The following CDC42BPA variants were observed in gnomAD, a reference collection of about 807,000 sequenced individuals.
CDC42BPA encodes the protein CDC42 binding protein kinase alpha.
A neutral mutation model predicts 223.5 loss-of-function variants in CDC42BPA; 80 were observed. The ratio of observed to expected loss-of-function variants is 0.36; its 90% CI spans 0.30 to 0.43. The LOEUF (loss-of-function observed/expected upper bound fraction) is 0.43, where lower values mean the gene tolerates loss of function less well. Ranked by LOEUF, CDC42BPA falls within the 20% of genes least tolerant of loss-of-function variation. CDC42BPA has a pLI of 1.00. For synonymous variants in CDC42BPA, 694 were observed against 718.6 expected (o/e 0.97, Z 0.55); for missense variants, 1,743 against 2,099.9 (o/e 0.83, Z 3.32).
intron 10 of CDC42BPA, among the ~76,000 whole-genome samples, chr1:227,135,941 G>T (rs1658482571): frequency 6.8e-6 from 1 of 147,114 alleles, no homozygotes; most frequent in Admixed American, 6.9e-5. Context: ...TTGATGGAAT[G>T]AAAAGGGAGA....
At chr1:227,297,220 A>C in intron 1 of CDC42BPA, among the ~76,000 whole-genome samples, 1 of 152,240 alleles carries the variant, frequency 6.6e-6, no homozygotes, top group Non-Finnish European at 1.5e-5. Context: ...GAAGTAGATC[A>C]AAGCCACAAT....
chr1:227,244,596 G>C (rs1360393093), intron 2 of CDC42BPA, among the ~76,000 whole-genome samples: 1 of 152,114 alleles, frequency 6.6e-6, no homozygotes, highest in Non-Finnish European at 1.5e-5. Context: ...ATCTGGCTAT[G>C]GCCAGGGGTG....
intron 1 of CDC42BPA, among the ~76,000 whole-genome samples, chr1:227,284,491 C>T (rs984143878): frequency 3.9e-5 from 6 of 152,140 alleles, no homozygotes; most frequent in Non-Finnish European, 7.4e-5. Flanking sequence ...TTCTACCCAC[C>T]ACCATCCCCA....
chr1:227,100,777 T>TGTGTGTGTGTGTGTGTGTGTGTGTGTGC (rs777124731), intron 15 of CDC42BPA, among the ~76,000 whole-genome samples: 2 of 128,510 alleles, frequency 1.6e-5, no homozygotes, highest in African/African-American at 5.7e-5. Context: ...TGTGTGTGTG[T>TGTGTGTGTGTGTGTGTGTGTGTGTGTGC]GCGTGTGCCA....
intron 23 of CDC42BPA, among the ~76,000 whole-genome samples, chr1:227,043,017 T>G (rs1572439561): frequency 2.0e-5 from 3 of 152,236 alleles, no homozygotes; most frequent in Middle Eastern, 3.4e-3. Flanking sequence ...GCTTAAAAAT[T>G]TACTGTAGAT....
intron 1 of CDC42BPA, 81 bp downstream of exon 1, chr1:227,316,924 G>A: frequency 9.7e-7 from 1 of 1,035,482 alleles, no homozygotes; most frequent in South Asian, 1.5e-5. Context: ...ACGGAGTAGA[G>A]TTTACTCATA....
At position 227,060,073 on chromosome 1, in the gene CDC42BPA, C is replaced by T. The variant is rs1307406534; in HGVS notation, c.2905-8088G>A. Among the ~76,000 whole-genome samples the T allele has an allele frequency of 2.1e-5, 3 of 143,418 alleles. No individual in the cohort carries two copies. In the East Asian group the frequency reaches 6.3e-4, roughly 30 times the overall value. 94.1% of individuals were successfully genotyped at this position (143,418 alleles called of 152,430 possible). A position where few individuals can be genotyped will look rare whatever the true frequency, so the allele number is the denominator to read the frequency against. ...TGAGACGGGAGTCTCGCTCTGTCGCCCAGGCTGGAGTGCAGTGGCGCAATC... is the reference window on the plus strand; with the variant it reads ...TGAGACGGGAGTCTCGCTCTGTCGCTCAGGCTGGAGTGCAGTGGCGCAATC... On this transcript the variant is annotated intron_variant, in intron 21 of 36. Coordinates refer to ENST00000366766, the MANE Select transcript of CDC42BPA (RefSeq NM_001394014.1).
intron 1 of CDC42BPA, among the ~76,000 whole-genome samples, chr1:227,267,503 G>A (rs1279707253): frequency 6.6e-6 from 1 of 152,198 alleles, no homozygotes; most frequent in Admixed American, 6.5e-5. Context: ...CAGATAAAAG[G>A]TGATAGATGC....
chr1:227,048,268 T>C (rs1209136765), intron 22 of CDC42BPA, among the ~76,000 whole-genome samples: 3 of 151,982 alleles, frequency 2.0e-5, no homozygotes, highest in Non-Finnish European at 4.4e-5. Flanking sequence ...AATAAATCAT[T>C]TGGATCAAAT....
At chr1:227,314,546 G>A (rs908115690) in intron 1 of CDC42BPA, among the ~76,000 whole-genome samples, 2 of 151,838 alleles carry the variant, frequency 1.3e-5, no homozygotes, top group Non-Finnish European at 2.9e-5. Flanking sequence ...AAAATAAAAT[G>A]GACTAAAACT....
intron 14 of CDC42BPA, among the ~76,000 whole-genome samples, chr1:227,107,245 T>C (rs1024704965): frequency 2.6e-5 from 4 of 152,218 alleles, no homozygotes; most frequent in African/African-American, 9.6e-5. Flanking sequence ...TTTTGTCATT[T>C]TTAGTTGGAT....
intron 1 of CDC42BPA, among the ~76,000 whole-genome samples, chr1:227,301,803 A>G (rs1232019963): frequency 1.3e-5 from 2 of 152,222 alleles, no homozygotes. Flanking sequence ...CCACCAAAAA[A>G]AAAATTCCCT....
intron 5 of CDC42BPA, among the ~76,000 whole-genome samples, chr1:227,173,096 AAGTAATTACATT>A (rs1331214187): frequency 6.6e-6 from 1 of 152,228 alleles, no homozygotes; most frequent in Non-Finnish European, 1.5e-5. Flanking sequence ...AGGAGGAAAC[AAGTAATTACATT>A]AGTACAAAAA....
Position 227,147,523 on chromosome 1 carries a change from T to G in CDC42BPA, c.730A>C (p.Ile244Leu). Residue 244 changes from isoleucine (I) to leucine (L), a missense_variant, in exon 7 of 37, where the codon ATC (isoleucine) becomes CTC (leucine). By Grantham distance (5) the Ile-to-Leu change is conservative. Transcript: ENST00000366766. ...ATGGCTTGAAGGATTTCAGGAGAGA[T>G]ATAATCTGGAGTTCCTACAGCCACT... is the stretch of plus-strand genomic sequence containing the variant. ...SSVAVGTPDY[I>L]SPEILQAMED... 3.1e-6 allele frequency: 5 copies of G among 1,611,796 alleles called. No homozygotes were observed. Among genetic ancestry groups the G allele is most frequent in the Non-Finnish European group, 4.2e-6 (5 of 1,178,856 alleles).
Position 226,994,525 on chromosome 1 carries a change from G to C in CDC42BPA, c.5134-126C>G. 1 of 1,125,152 alleles carries C rather than the reference G, an allele frequency of 8.9e-7. No homozygotes were observed. The highest frequency in any genetic ancestry group is 1.2e-6 in the Non-Finnish European group (1 of 817,954). 69.7% of individuals were successfully genotyped at this position (1,125,152 alleles called of 1,614,324 possible). ...AACCCCATGGGGCGGCCTCACTGTC[G>C]GTATAAAGCCCCTTCTATGAGCTGA... On this transcript the variant is annotated intron_variant, in intron 36 of 36. Coordinates refer to ENST00000366766, the MANE Select transcript of CDC42BPA (RefSeq NM_001394014.1). This position sits in a 1 kb window ranked among gnomAD's most constrained non-coding sequence, Gnocchi z 4.0.
intron 2 of CDC42BPA, among the ~76,000 whole-genome samples, chr1:227,224,106 TTTTA>T (rs753842068): frequency 6.6e-5 from 10 of 152,252 alleles, no homozygotes; most frequent in Non-Finnish European, 1.2e-4. Context: ...TGTATTTTGT[TTTTA>T]TTTATTTTAT....
intron 2 of CDC42BPA, among the ~76,000 whole-genome samples, chr1:227,239,383 C>CA (rs1172481458): frequency 6.6e-6 from 1 of 152,068 alleles, no homozygotes; most frequent in African/African-American, 2.4e-5. Context: ...ACTGAACGTA[C>CA]AACATCAGGA....
intron 2 of CDC42BPA, among the ~76,000 whole-genome samples, chr1:227,213,514 A>C (rs1030952165): frequency 2.0e-5 from 3 of 152,108 alleles, no homozygotes; most frequent in Non-Finnish European, 4.4e-5. Context: ...CCCCCTTTCC[A>C]ACTTTTCTGC....
chr1:227,282,378 G>C (rs556677155), intron 1 of CDC42BPA, among the ~76,000 whole-genome samples: 2 of 151,888 alleles, frequency 1.3e-5, no homozygotes, highest in Non-Finnish European at 2.9e-5. Context: ...TTAATTAAGC[G>C]GTTGTTTATA....
Sources: allele counts gnomAD v4.1 joint callset (sites outside exome capture counted in the v4.1 genomes callset), GRCh38; gene constraint gnomAD v4.1.1; non-coding constraint Gnocchi (gnomAD v3.1); transcripts MANE v1.5; gene names NCBI Gene and HGNC (gene_info 2026-07-23, HGNC 2026-07-21).